The following CHD7 variants were observed in gnomAD, a reference collection of about 807,000 sequenced individuals.
The protein encoded by CHD7 is ATP-dependent chromatin remodeler CHD7.
CHD7 carries 24 observed loss-of-function variants against 307.3 expected under a neutral mutation model. The ratio of observed to expected loss-of-function variants is 0.08; its 90% CI spans 0.06 to 0.11. The LOEUF (loss-of-function observed/expected upper bound fraction) is 0.11. Among genes scored for constraint, CHD7 ranks in the 10% least tolerant of loss-of-function variants. The pLI is 1.00. For synonymous variants in CHD7, 1,363 were observed against 1,349.9 expected, an observed-to-expected ratio of 1.01 and a Z score of -0.21; for missense variants, 3,106 against 3,727.1, an observed-to-expected ratio of 0.83 and a Z score of 4.34.
chr8:60,742,080 C>T lies in CHD7; in HGVS notation c.648C>T (p.Gly216=). Residue 216 remains glycine (G), a synonymous_variant, in exon 2 of 38, where the codon GGC becomes GGT. Coordinates refer to ENST00000423902, the MANE Select transcript of CHD7 (RefSeq NM_017780.4). ...PQQRMSQFSQ[G]QEGLNQGNPF... ...AGAGGATGAGCCAGTTTTCCCAAGGCCAAGAGGGCCTCAATCAGGGAAATC... is the reference window on the plus strand; with the variant it reads ...AGAGGATGAGCCAGTTTTCCCAAGGTCAAGAGGGCCTCAATCAGGGAAATC... The T allele has an allele frequency of 6.2e-7, 1 of 1,613,906 alleles. No homozygotes were observed. The highest frequency in any genetic ancestry group is 8.5e-7 in the Non-Finnish European group (1 of 1,179,890).
chr8:60,805,173 T>G (rs1045029349), intron 6 of CHD7, among the ~76,000 whole-genome samples: 2 of 152,214 alleles, frequency 1.3e-5, no homozygotes, highest in African/African-American at 4.8e-5. Context: ...CTGGTCAAAC[T>G]GCCTCCCATT....
intron 7 of CHD7, among the ~76,000 whole-genome samples, chr8:60,809,822 A>G (rs764020101): frequency 1.3e-5 from 2 of 152,212 alleles, no homozygotes; most frequent in Non-Finnish European, 2.9e-5. Flanking sequence ...TGTAAAAAAT[A>G]GTACAAAGAA....
At position 60,691,412 on chromosome 8, in the gene CHD7, AG is replaced by A. The variant is rs1196861178; in HGVS notation, c.-175+12331del. Among the ~76,000 whole-genome samples the A allele has an allele frequency of 2.0e-5, 3 of 152,334 alleles. No individual in the cohort carries two copies. In the East Asian group the frequency reaches 5.8e-4, roughly 29 times the overall value. On this transcript the variant is annotated intron_variant, in intron 1 of 37. Transcript: ENST00000423902. ...CGAGTCTTTTTATTCAAGGCATTAA[AG>A]CATTAATTCATATATTTATACAGTT... is the stretch of plus-strand genomic sequence containing the variant.
intron 33 of CHD7, 85 bp from the exon 34 acceptor site, chr8:60,856,360 C>T: frequency 7.4e-7 from 1 of 1,359,554 alleles, no homozygotes; most frequent in South Asian, 1.5e-5. Flanking sequence ...CCTTAAGCTT[C>T]TTGTTCCTTA....
chr8:60,750,685 A>G (rs1809600369), intron 2 of CHD7, among the ~76,000 whole-genome samples: 1 of 152,230 alleles, frequency 6.6e-6, no homozygotes, highest in African/African-American at 2.4e-5. Context: ...TTAAAACCTG[A>G]TATGTATTTT....
chr8:60,776,945 A>C (rs1298763307), intron 2 of CHD7, among the ~76,000 whole-genome samples: 1 of 152,220 alleles, frequency 6.6e-6, no homozygotes, highest in Admixed American at 6.5e-5. Context: ...TTAAATGACT[A>C]CTTGCTATTT....
chr8:60,850,775 A>G (rs1805417834), intron 26 of CHD7, 153 bp downstream of exon 26: 3 of 795,554 alleles, frequency 3.8e-6, no homozygotes, highest in African/African-American at 1.7e-5. Flanking sequence ...TGTCGTAATG[A>G]CTGTTTAAAC....
chr8:60,717,243 T>C (rs1330839835), intron 1 of CHD7, among the ~76,000 whole-genome samples: 1 of 152,242 alleles, frequency 6.6e-6, no homozygotes, highest in Non-Finnish European at 1.5e-5. Context: ...ATTTGCTTCC[T>C]TGTAAATGAA....
In CHD7 at chr8:60,781,325, A is replaced by G; in HGVS notation, c.1991A>G (p.Glu664Gly). 1 of 1,572,440 alleles carries G rather than the reference A, an allele frequency of 6.4e-7. No individual in the cohort carries two copies. Among genetic ancestry groups the G allele is most frequent in the East Asian group, 2.4e-5 (1 of 42,404 alleles). ...CCGAAAGAACCCAAGGAGAAAAAAG[A>G]GCCCAAGGAACCCAAGACCCCGAAA... is the stretch of plus-strand genomic sequence containing the variant. ...KEPKEPKEKK[E>G]PKEPKTPKAP... Residue 664 changes from glutamate to glycine, a missense_variant, in exon 3 of 38, where the codon GAG (glutamate) becomes GGG (glycine). Physicochemically the swap from Glu to Gly is moderately conservative, Grantham distance 98 (BLOSUM62 -2). Around this residue, in one of 10 missense-constraint regions of CHD7, gnomAD observed 998 missense variants for 1,004.5 expected, o/e 0.99. Coordinates refer to ENST00000423902, the MANE Select transcript of CHD7 (RefSeq NM_017780.4).
intron 4 of CHD7, 46 bp from the exon 5 acceptor site, chr8:60,800,342 T>G: frequency 6.3e-7 from 1 of 1,593,892 alleles, no homozygotes; most frequent in Non-Finnish European, 8.5e-7. Context: ...ACATTTTTCT[T>G]TTTAATCATT....
intron 1 of CHD7, among the ~76,000 whole-genome samples, chr8:60,686,105 A>G (rs79118478): frequency 1.3e-5 from 2 of 152,174 alleles, no homozygotes; most frequent in Non-Finnish European, 2.9e-5. Context: ...GACTCAGTCA[A>G]GTCTTCTGGG....
rs921201693 is a variant in CHD7, at chr8:60,741,935, A to G, written c.503A>G (p.Gln168Arg). ...TACCAGCAGCAGCAGCCACAGCCGC[A>G]GCCACCGCAGCCGGCTCCGTCGGGG... is the stretch of plus-strand genomic sequence containing the variant. ...APYQQQQPQP[Q>R]PPQPAPSGPP... The change falls in exon 2 of 38, where the codon CAG becomes CGG. Residue 168 changes from glutamine to arginine, a missense_variant. Around this residue, in one of 10 missense-constraint regions of CHD7, gnomAD observed 998 missense variants for 1,004.5 expected, o/e 0.99. Coordinates refer to ENST00000423902, the MANE Select transcript of CHD7 (RefSeq NM_017780.4). 3 of 1,613,184 alleles carry G rather than the reference A, an allele frequency of 1.9e-6. No individual in the cohort carries two copies. Among genetic ancestry groups the G allele is most frequent in the Admixed American group, 3.3e-5 (2 of 59,932 alleles).
chr8:60,831,585 T>C (rs1394345016), intron 15 of CHD7, among the ~76,000 whole-genome samples: 3 of 151,786 alleles, frequency 2.0e-5, no homozygotes, highest in African/African-American at 7.3e-5. Flanking sequence ...ATTAGAAATA[T>C]GATTCAGGGT....
chr8:60,759,498 T>A (rs1810067931), intron 2 of CHD7, among the ~76,000 whole-genome samples: 1 of 144,806 alleles, frequency 6.9e-6, no homozygotes, highest in Non-Finnish European at 1.5e-5. Flanking sequence ...CCTCTCCCTC[T>A]CCCTCTCCCT....
At chr8:60,810,078 G>T (rs1159524931) in intron 7 of CHD7, among the ~76,000 whole-genome samples, 2 of 152,118 alleles carry the variant, frequency 1.3e-5, no homozygotes, top group African/African-American at 4.8e-5. Context: ...TATTTACTTT[G>T]CCCACATTAT....
chr8:60,781,989 A>G (rs1811261416), intron 3 of CHD7, among the ~76,000 whole-genome samples: 1 of 152,188 alleles, frequency 6.6e-6, no homozygotes, highest in Admixed American at 6.5e-5. Context: ...TTTAGGTTCT[A>G]GGGAAGACCC....
intron 3 of CHD7, among the ~76,000 whole-genome samples, chr8:60,784,103 T>G (rs543742405): frequency 1.5e-3 from 232 of 152,298 alleles, no homozygotes; most frequent in African/African-American, 5.2e-3. Flanking sequence ...TGCATACAAC[T>G]ACATGTAAAT....
chr8:60,680,167 C>T (rs1314551564), intron 1 of CHD7, among the ~76,000 whole-genome samples: 2 of 151,794 alleles, frequency 1.3e-5, no homozygotes, highest in Non-Finnish European at 2.9e-5. Context: ...CCGAGGTGAC[C>T]CGGGTGCGCT....
At chr8:60,802,018 A>C (rs1812337418) in intron 6 of CHD7, among the ~76,000 whole-genome samples, 1 of 152,204 alleles carries the variant, frequency 6.6e-6, no homozygotes, top group Non-Finnish European at 1.5e-5. Context: ...GTGTTTTGTA[A>C]CATTTTCTCA....
Sources: allele counts gnomAD v4.1 joint callset (sites outside exome capture counted in the v4.1 genomes callset), GRCh38; gene constraint gnomAD v4.1.1; regional missense constraint gnomAD v4.1.1; transcripts MANE v1.5; gene names NCBI Gene and HGNC (gene_info 2026-07-23, HGNC 2026-07-21).